The following TENT4A variants were observed in gnomAD, a reference collection of about 807,000 sequenced individuals.
TENT4A encodes terminal nucleotidyltransferase 4A.
A neutral mutation model predicts 72.8 loss-of-function variants in TENT4A; 7 were observed. That is an observed-to-expected ratio of 0.10 (90% CI 0.05 to 0.18). TENT4A has a LOEUF of 0.18. TENT4A is among the 10% of genes least tolerant of loss of function. The pLI is 1.00. For synonymous variants in TENT4A, 456 were observed against 434.3 expected (o/e 1.05, Z -0.62); for missense variants, 831 against 1,017.7 (o/e 0.82, Z 2.50).
chr5:6,742,415 C>T (rs1741852124), intron 4 of TENT4A, 75 bp from the exon 5 acceptor site: 1 of 919,912 alleles, frequency 1.1e-6, no homozygotes. Flanking sequence ...CTCTGTACAG[C>T]TTTGGCAGCA....
At chr5:6,741,747 T>C (rs968322792) in intron 4 of TENT4A, among the ~76,000 whole-genome samples, 8 of 152,252 alleles carry the variant, frequency 5.3e-5, no homozygotes, top group Non-Finnish European at 7.3e-5. Flanking sequence ...GCACTGTCCC[T>C]ACGTTGCCTA....
Position 6,755,984 on chromosome 5 carries a change from A to C in TENT4A, c.*1039A>C, listed in dbSNP as rs1742675194. On this transcript the variant is annotated 3_prime_UTR_variant, in exon 13 of 13. Transcript: ENST00000230859. ...ACTATTATTGCGGACCGTGGTACCC[A>C]GTTTTAGGAATGTGGAGAAAGGAAT... 1 of 152,236 alleles carries C rather than the reference A, an allele frequency of 6.6e-6. No individual in the cohort carries two copies. Among genetic ancestry groups the C allele is most frequent in the African/African-American group, 2.4e-5 (1 of 41,432 alleles). 9.4% of individuals were successfully genotyped at this position (152,236 alleles called of 1,614,324 possible). A position where few individuals can be genotyped will look rare whatever the true frequency, so the allele number is the denominator to read the frequency against.
At chr5:6,750,011 C>T (rs527808890) in intron 9 of TENT4A, among the ~76,000 whole-genome samples, 21 of 152,156 alleles carry the variant, frequency 1.4e-4, no homozygotes, top group South Asian at 1.0e-3. Context: ...GTCTGAAATC[C>T]GGTGTGTATT....
chr5:6,740,356 C>T (rs1741736022), intron 4 of TENT4A, among the ~76,000 whole-genome samples: 1 of 152,182 alleles, frequency 6.6e-6, no homozygotes. Context: ...GAGACTGTTT[C>T]TGGTGTGTAC....
chr5:6,749,506 C>T lies in TENT4A; in HGVS notation c.1587-51C>T, dbSNP rs1456473788. On this transcript the variant is annotated intron_variant, in intron 8 of 12. Coordinates refer to ENST00000230859, the MANE Select transcript of TENT4A (RefSeq NM_006999.6). ...GTAGCTGTTCGAGAGGGGTTCTCAGCTCCCTGACACCTGTTGTACTCTGTT... is the reference window on the plus strand; with the variant it reads ...GTAGCTGTTCGAGAGGGGTTCTCAGTTCCCTGACACCTGTTGTACTCTGTT... The T allele has an allele frequency of 3.3e-6, 4 of 1,229,142 alleles. No homozygotes were observed. The African/African-American group carries it at 4.4e-5, about 14-fold the overall frequency. The allele number at this position is 1,229,142 out of a possible 1,614,324, so 76.1% of individuals were successfully genotyped here. A position where few individuals can be genotyped will look rare whatever the true frequency, so the allele number is the denominator to read the frequency against.
intron 5 of TENT4A, 64 bp from the exon 6 acceptor site, chr5:6,743,648 T>C: frequency 1.6e-6 from 2 of 1,279,678 alleles, no homozygotes; most frequent in Non-Finnish European, 2.2e-6. Flanking sequence ...TGTGATTTGC[T>C]ATGTGAAATC....
chr5:6,750,636 T>TG, intron 10 of TENT4A, 133 bp downstream of exon 10: 6 of 824,262 alleles, frequency 7.3e-6, no homozygotes, highest in Non-Finnish European at 7.3e-6. Context: ...TGGAGGTGGG[T>TG]GGGGGGCAGC....
chr5:6,743,055 C>T (rs1447775056), intron 5 of TENT4A, among the ~76,000 whole-genome samples: 1 of 152,136 alleles, frequency 6.6e-6, no homozygotes, highest in Non-Finnish European at 1.5e-5. Flanking sequence ...TGGTCATGAC[C>T]TCCTGTTACA....
intron 1 of TENT4A, among the ~76,000 whole-genome samples, chr5:6,722,355 C>T (rs1406652658): frequency 2.0e-5 from 3 of 152,126 alleles, no homozygotes. Context: ...CAGGAAAAGC[C>T]TTTTTCTTGG....
At chr5:6,722,532 G>A (rs1740703464) in intron 1 of TENT4A, among the ~76,000 whole-genome samples, 2 of 136,052 alleles carry the variant, frequency 1.5e-5, no homozygotes, top group South Asian at 4.9e-4. Flanking sequence ...GTCTGTTCTA[G>A]TTTTGCATTT....
At chr5:6,723,313 A>AGCGTTTTT (rs1410837241) in intron 1 of TENT4A, among the ~76,000 whole-genome samples, 9,532 of 150,822 alleles carry the variant, frequency 0.063, 434 homozygotes, top group African/African-American at 0.12. Flanking sequence ...GATAGGTCTC[A>AGCGTTTTT]GCATTTTTGC....
chr5:6,749,642 C>T lies in TENT4A; in HGVS notation c.1672C>T (p.Pro558Ser). Residue 558 changes from proline (P) to serine (S), a missense_variant, in exon 9 of 13, where the codon CCG (proline) becomes TCG (serine). Pro to Ser is a moderately conservative substitution (Grantham distance 74, BLOSUM62 -1). Around this residue, in one of 3 missense-constraint regions of TENT4A, gnomAD observed 332 missense variants for 324.3 expected, o/e 1.02. Coordinates refer to ENST00000230859, the MANE Select transcript of TENT4A (RefSeq NM_006999.6). ...AGAGAAGTGGGGCAGCAAAGCCCAC[C>T]CGTCGCCAGGCATGGGTGAGAGATT... The part of the protein sequence containing the change: ...IKEKWGSKAH[P>S]SPGMDSRIKI... 6.2e-7 allele frequency: 1 copy of T among 1,611,496 alleles called. No homozygotes were observed. Among genetic ancestry groups the T allele is most frequent in the Non-Finnish European group, 8.5e-7 (1 of 1,177,680 alleles).
intron 7 of TENT4A, among the ~76,000 whole-genome samples, chr5:6,747,659 C>T (rs1235316451): frequency 6.6e-6 from 1 of 152,136 alleles, no homozygotes; most frequent in Non-Finnish European, 1.5e-5. Context: ...TTGGCATTGT[C>T]TTCAAGTGTC....
chr5:6,752,576 G>T (rs186816171), intron 11 of TENT4A, among the ~76,000 whole-genome samples: 1 of 152,330 alleles, frequency 6.6e-6, no homozygotes, highest in Admixed American at 6.5e-5. Context: ...TCACCACGGG[G>T]GTGACGGTTG....
At chr5:6,732,051 C>A (rs76984296) in intron 1 of TENT4A, among the ~76,000 whole-genome samples, 4,955 of 152,326 alleles carry the variant, frequency 0.033, 130 homozygotes, top group Non-Finnish European at 0.053. Flanking sequence ...AGCTGCCTGT[C>A]CTTGGGTTGA....
chr5:6,723,629 C>CG (rs1262305183), intron 1 of TENT4A, among the ~76,000 whole-genome samples: 1 of 152,148 alleles, frequency 6.6e-6, no homozygotes, highest in Non-Finnish European at 1.5e-5. Context: ...CGCTAACATG[C>CG]GGGGGATGGA....
chr5:6,716,795 C>T (rs543014769), intron 1 of TENT4A, among the ~76,000 whole-genome samples: 1 of 152,328 alleles, frequency 6.6e-6, no homozygotes, highest in South Asian at 2.1e-4. Context: ...CTCTGAAGCC[C>T]ACCAGGAGGT....
At chr5:6,741,628 A>C (rs1326220861) in intron 4 of TENT4A, among the ~76,000 whole-genome samples, 1 of 152,188 alleles carries the variant, frequency 6.6e-6, no homozygotes, top group Non-Finnish European at 1.5e-5. Flanking sequence ...TGGTGGTCGC[A>C]GTGGTGTCCA....
At chr5:6,739,939 G>C in intron 4 of TENT4A, 87 bp downstream of exon 4, 1 of 1,338,844 alleles carries the variant, frequency 7.5e-7, no homozygotes, top group Non-Finnish European at 1.1e-6. Context: ...TCACGAGCTT[G>C]TGGTATTTTA....
Sources: allele counts gnomAD v4.1 joint callset (sites outside exome capture counted in the v4.1 genomes callset), GRCh38; gene constraint gnomAD v4.1.1; regional missense constraint gnomAD v4.1.1; transcripts MANE v1.5; gene names NCBI Gene and HGNC (gene_info 2026-07-23, HGNC 2026-07-21).